PSIP1: variants seen among roughly 807,000 people sequenced by gnomAD.
PSIP1 encodes PC4 and SRSF1 interacting protein 1, also known as PC4 and SFRS1-interacting protein.
PSIP1 carries 19 observed loss-of-function variants against 74.7 expected under a neutral mutation model. That is an observed-to-expected ratio of 0.25 (90% CI 0.18 to 0.37). The LOEUF is 0.37. Ranked by LOEUF, PSIP1 falls within the 10% of genes least tolerant of loss-of-function variation. The pLI is 1.00. For synonymous variants in PSIP1, 222 were observed against 195.3 expected, an observed-to-expected ratio of 1.14 and a Z score of -1.14; for missense variants, 601 against 614.3, an observed-to-expected ratio of 0.98 and a Z score of 0.23.
In PSIP1 at chr9:15,464,328, T is replaced by C. The variant is rs888278277; in HGVS notation, c.*1192A>G. The C allele has an allele frequency of 1.6e-5, 3 of 193,428 alleles. No homozygotes were observed. The highest frequency in any genetic ancestry group is 1.6e-4 in the East Asian group (2 of 12,258). 12.0% of individuals were successfully genotyped at this position (193,428 alleles called of 1,614,324 possible). ...AGACGCTGGTCTTAAGCCATTTTTT[T>C]CCATATTCATATAATTTCAAAACAT... On this transcript the variant is annotated 3_prime_UTR_variant, in exon 16 of 16. Transcript: ENST00000380733.
chr9:15,509,589 T>G (rs2037757116), intron 2 of PSIP1, among the ~76,000 whole-genome samples: 1 of 152,204 alleles, frequency 6.6e-6, no homozygotes. Context: ...CTGTAATACT[T>G]TCAAGAATAT....
chr9:15,472,301 C>T lies in PSIP1; in HGVS notation c.977+331G>A, dbSNP rs1055535188. On this transcript the variant is annotated intron_variant, in intron 10 of 15. Transcript: ENST00000380733. Reference sequence around the variant, plus strand: ...CATTCTTTGTCTACCAGTATATTATCGCCCCTCTATCTATATGTATTATAT... The same window carrying T: ...CATTCTTTGTCTACCAGTATATTATTGCCCCTCTATCTATATGTATTATAT... 1.9e-5 allele frequency: 19 copies of T among 1,021,480 alleles called. 1 individual carries two copies. The East Asian group carries it at 3.6e-4, about 19-fold the overall frequency. 63.3% of individuals were successfully genotyped at this position (1,021,480 alleles called of 1,614,324 possible).
In PSIP1 at chr9:15,473,915, C is replaced by CAAAAAAAAAAAAAAAAA. The variant is rs386414512; in HGVS notation, c.858+93_858+94insTTTTTTTTTTTTTTTTT. ...GACTCCATCTCAAACAAAAAAAAAACAAAAAAAAAAACAAAAAAAAAACAA... is the reference window on the plus strand; with the variant it reads ...GACTCCATCTCAAACAAAAAAAAAACAAAAAAAAAAAAAAAAAAAAAAAAAAAACAAAAAAAAAACAA... On this transcript the variant is annotated intron_variant, in intron 9 of 15. Coordinates refer to ENST00000380733, the MANE Select transcript of PSIP1 (RefSeq NM_033222.5). The CAAAAAAAAAAAAAAAAA allele has an allele frequency of 2.0e-5, 11 of 557,648 alleles. No individual in the cohort carries two copies. The African/African-American group carries it at 2.8e-4, about 14-fold the overall frequency. 34.5% of individuals were successfully genotyped at this position (557,648 alleles called of 1,614,324 possible). A position where few individuals can be genotyped will look rare whatever the true frequency, so the allele number is the denominator to read the frequency against.
At chr9:15,476,768 A>G (rs1173465804) in intron 8 of PSIP1, among the ~76,000 whole-genome samples, 2 of 152,216 alleles carry the variant, frequency 1.3e-5, no homozygotes, top group Non-Finnish European at 2.9e-5. Context: ...CACACATACA[A>G]AAGTATTACA....
chr9:15,487,033 C>CT, intron 4 of PSIP1, 102 bp from the exon 5 acceptor site: 3 of 687,756 alleles, frequency 4.4e-6, no homozygotes, highest in Non-Finnish European at 4.4e-6. Context: ...GGGTCTCACT[C>CT]TATCACCCAG....
chr9:15,510,285 G>T lies in PSIP1; in HGVS notation c.-97C>A. On this transcript the variant is annotated 5_prime_UTR_variant, in exon 2 of 16. Coordinates refer to ENST00000380733, the MANE Select transcript of PSIP1 (RefSeq NM_033222.5). ...CGGCGGACGCGGGCCCAGCTACCGG[G>T]CCCGCGGGCGGGGGAGGATGCCTCG... 1 of 1,013,434 alleles carries T rather than the reference G, an allele frequency of 9.9e-7. No individual in the cohort carries two copies. Among genetic ancestry groups the T allele is most frequent in the South Asian group, 1.7e-5 (1 of 57,658 alleles). The allele number at this position is 1,013,434 out of a possible 1,614,324, so 62.8% of individuals were successfully genotyped here.
chr9:15,491,820 T>A (rs2036845011), intron 3 of PSIP1: 1 of 152,734 alleles, frequency 6.5e-6, no homozygotes, highest in South Asian at 2.1e-4. Context: ...CCCAAGAAAC[T>A]TACAATCATG....
At chr9:15,476,027 CAAA>C (rs1203025569) in intron 8 of PSIP1, among the ~76,000 whole-genome samples, 1 of 152,044 alleles carries the variant, frequency 6.6e-6, no homozygotes, top group Non-Finnish European at 1.5e-5. Context: ...GTACCCGTGA[CAAA>C]GAAGTAGACG....
chr9:15,503,365 C>CAAAAAATA (rs144220807), intron 3 of PSIP1, among the ~76,000 whole-genome samples: 10 of 147,738 alleles, frequency 6.8e-5, no homozygotes, highest in African/African-American at 2.0e-4. Context: ...GACTCCATCA[C>CAAAAAATA]AAAAAATAAA....
chr9:15,505,942 A>T (rs182320711), intron 3 of PSIP1: 3 of 152,362 alleles, frequency 2.0e-5, no homozygotes, highest in Admixed American at 2.0e-4. Flanking sequence ...ATTATATAGT[A>T]TTTCTAAGGC....
Position 15,466,813 on chromosome 9 carries a change from C to G in PSIP1, c.1467G>C (p.Gln489His). ...NGGSDAQDGN[Q>H]PQHNGESNED... Reference sequence around the variant, plus strand: ...CATTGCTCTCCCCGTTATGTTGTGGCTGATTACCATCTTGAGCATCAGATC... The same window carrying G: ...CATTGCTCTCCCCGTTATGTTGTGGGTGATTACCATCTTGAGCATCAGATC... The change falls in exon 15 of 16, where the codon CAG (glutamine) becomes CAC (histidine). Residue 489 changes from glutamine (Q) to histidine (H), a missense_variant. Physicochemically the swap from Gln to His is conservative, Grantham distance 24. Coordinates refer to ENST00000380733, the MANE Select transcript of PSIP1 (RefSeq NM_033222.5). 6.2e-7 allele frequency: 1 copy of G among 1,613,398 alleles called. No individual in the cohort carries two copies. The highest frequency in any genetic ancestry group is 8.5e-7 in the Non-Finnish European group (1 of 1,179,772).
At position 15,501,840 on chromosome 9, in the gene PSIP1, C is replaced by CATATAT. The variant is rs112671758; in HGVS notation, c.149+4715_149+4720dup. On this transcript the variant is annotated intron_variant, in intron 3 of 15. Coordinates refer to ENST00000380733, the MANE Select transcript of PSIP1 (RefSeq NM_033222.5). ...TGTTTAAGTCCCTTATATAAAACAG[C>CATATAT]ATATATATATATATATATATATATA... Among the ~76,000 whole-genome samples the CATATAT allele has an allele frequency of 1.1e-3, 133 of 124,496 alleles. 3 individuals carry two copies. Among genetic ancestry groups the CATATAT allele is most frequent in the South Asian group, 5.1e-3 (19 of 3,730 alleles). The allele number at this position is 124,496 out of a possible 152,430, so 81.7% of individuals were successfully genotyped here.
chr9:15,494,741 A>C (rs1307288479), intron 3 of PSIP1, among the ~76,000 whole-genome samples: 2 of 152,220 alleles, frequency 1.3e-5, no homozygotes, highest in East Asian at 3.9e-4. Flanking sequence ...GCAAACCAAT[A>C]ATTTACCAAA....
In PSIP1 at chr9:15,479,658, T is replaced by C. The variant is rs376769743; in HGVS notation, c.486A>G (p.Ala162=). ...ATGCTGTTGCTGTTGTCACTACTCC[T>C]GCCTCCTCAGTTTCTACTTGTTTTT... ...KAEKQVETEE[A]GVVTTATASV... The change falls in exon 7 of 16, where the codon GCA becomes GCG. Residue 162 remains alanine, a synonymous_variant. Coordinates refer to ENST00000380733, the MANE Select transcript of PSIP1 (RefSeq NM_033222.5). 3.7e-6 allele frequency: 6 copies of C among 1,612,920 alleles called. No individual in the cohort carries two copies. In the African/African-American group the frequency reaches 5.3e-5, roughly 14 times the overall value.
At chr9:15,484,911 CAAAAAAAAA>C (rs59867087) in intron 6 of PSIP1, among the ~76,000 whole-genome samples, 7 of 81,876 alleles carry the variant, frequency 8.5e-5, no homozygotes, top group Non-Finnish European at 1.5e-4. Context: ...AGATCCGTCT[CAAAAAAAAA>C]AAAAAAAAAA....
chr9:15,470,219 CAAAT>C (rs2035767144), intron 10 of PSIP1, among the ~76,000 whole-genome samples: 1 of 152,106 alleles, frequency 6.6e-6, no homozygotes, highest in African/African-American at 2.4e-5. Flanking sequence ...AGTGACATCA[CAAAT>C]AGTGTGTTGC....
rs374899833 is a variant in PSIP1 at position 15,470,502 on chromosome 9, G to T, written c.978-509C>A. ...AACATTCACTAACATTTCACAAAAG[G>T]TACCATTTTATTGTCAATCACAAAA... is the stretch of plus-strand genomic sequence containing the variant. On this transcript the variant is annotated intron_variant, in intron 10 of 15. Transcript: ENST00000380733. 26 of 770,796 alleles carry T rather than the reference G, an allele frequency of 3.4e-5. No individual in the cohort carries two copies. In the East Asian group the frequency reaches 6.3e-4, roughly 19 times the overall value. 47.7% of individuals were successfully genotyped at this position (770,796 alleles called of 1,614,324 possible). A position where few individuals can be genotyped will look rare whatever the true frequency, so the allele number is the denominator to read the frequency against.
intron 6 of PSIP1, among the ~76,000 whole-genome samples, chr9:15,481,887 ATATT>A: frequency 6.6e-6 from 1 of 152,192 alleles, no homozygotes; most frequent in Admixed American, 6.5e-5. Flanking sequence ...AGAATAATAA[ATATT>A]TTATCTAAAG....
rs190771655 is a variant in PSIP1 at position 15,499,267 on chromosome 9, C to T, written c.149+7294G>A. ...CATGCTATTTCTCTATATGTACGAA[C>T]TCAGACCTCAAATACCAATGTCAAA... is the stretch of plus-strand genomic sequence containing the variant. On this transcript the variant is annotated intron_variant, in intron 3 of 15. Coordinates refer to ENST00000380733, the MANE Select transcript of PSIP1 (RefSeq NM_033222.5). Among the ~76,000 whole-genome samples, 50 of 152,290 alleles carry T rather than the reference C, an allele frequency of 3.3e-4. 1 individual carries two copies. The East Asian group carries it at 8.7e-3, about 26-fold the overall frequency.
Sources: gnomAD v4.1 joint callset for allele counts (sites outside exome capture counted in the v4.1 genomes callset) on GRCh38, gnomAD v4.1.1 for gene constraint, MANE v1.5 for transcripts, NCBI Gene and HGNC (gene_info 2026-07-23, HGNC 2026-07-21) for gene names.